BHMT: variants seen among roughly 807,000 people sequenced by gnomAD.
BHMT encodes betaine--homocysteine S-methyltransferase 1.
A neutral mutation model predicts 49.5 loss-of-function variants in BHMT; 38 were observed. That is an observed-to-expected ratio of 0.77 (90% confidence interval 0.59 to 1.01). The LOEUF is 1.01. Among genes scored for constraint, BHMT ranks in the 50% least tolerant of loss-of-function variants. The probability of loss-of-function intolerance (pLI) is 0.00; values close to 1 mark genes in which losing one functional copy is unlikely to be tolerated. For synonymous variants in BHMT, 166 were observed against 176.3 expected (o/e 0.94, Z 0.46); for missense variants, 426 against 495.7 (o/e 0.86, Z 1.34).
At chr5:79,115,624 A>G in intron 1 of BHMT, 143 bp from the exon 2 acceptor site, 1 of 914,624 alleles carries the variant, frequency 1.1e-6, no homozygotes, top group Non-Finnish European at 1.5e-6. Flanking sequence ...ATAGCCATAA[A>G]TGTATATATA....
At chr5:79,126,644 C>T (rs1404917004) in intron 6 of BHMT, among the ~76,000 whole-genome samples, 1 of 152,128 alleles carries the variant, frequency 6.6e-6, no homozygotes, top group Non-Finnish European at 1.5e-5. Flanking sequence ...AAAATAAGAT[C>T]AGACCAGTTA....
intron 5 of BHMT, among the ~76,000 whole-genome samples, chr5:79,124,914 A>T (rs181639864): frequency 6.6e-6 from 1 of 152,298 alleles, no homozygotes; most frequent in East Asian, 1.9e-4. Flanking sequence ...TCTAGCAAAC[A>T]CGTGTCTAAA....
chr5:79,112,807 G>T (rs1419595627), intron 1 of BHMT, among the ~76,000 whole-genome samples: 1 of 152,174 alleles, frequency 6.6e-6, no homozygotes, highest in Non-Finnish European at 1.5e-5. Context: ...TTTGGGGAAC[G>T]GATGGATAGA....
intron 1 of BHMT, 72 bp from the exon 2 acceptor site, chr5:79,115,695 A>G (rs1756377135): frequency 5.5e-6 from 8 of 1,444,084 alleles, no homozygotes; most frequent in African/African-American, 4.3e-5. Flanking sequence ...ATATGTTAGC[A>G]AAAGTAATAA....
At position 79,120,225 on chromosome 5, in the gene BHMT, A is replaced by G. The variant is rs114070281; in HGVS notation, c.286-125A>G. 8.1e-5 allele frequency: 80 copies of G among 987,016 alleles called. No individual in the cohort carries two copies. In the African/African-American group the frequency reaches 1.1e-3, roughly 13 times the overall value. The allele number at this position is 987,016 out of a possible 1,614,324, so 61.1% of individuals were successfully genotyped here. On this transcript the variant is annotated intron_variant, in intron 3 of 7. Coordinates refer to ENST00000274353, the MANE Select transcript of BHMT (RefSeq NM_001713.3). Reference sequence around the variant, plus strand: ...ACTTGGTAAAGCTTTGAACTATTCCATAACAGTCATTTTCTGGAATAAGAT... The same window carrying G: ...ACTTGGTAAAGCTTTGAACTATTCCGTAACAGTCATTTTCTGGAATAAGAT...
intron 5 of BHMT, among the ~76,000 whole-genome samples, chr5:79,124,169 A>G (rs1414499639): frequency 1.3e-5 from 2 of 152,174 alleles, no homozygotes; most frequent in Non-Finnish European, 2.9e-5. Flanking sequence ...CTTAATGGGT[A>G]GAGTTTCTCT....
chr5:79,121,397 G>T, intron 5 of BHMT, 32 bp downstream of exon 5: 3 of 1,613,206 alleles, frequency 1.9e-6, no homozygotes, highest in East Asian at 2.2e-5. Context: ...TTTGTGATTA[G>T]TAAGTCTTAA....
At chr5:79,114,331 A>T (rs925301612) in intron 1 of BHMT, among the ~76,000 whole-genome samples, 3 of 152,084 alleles carry the variant, frequency 2.0e-5, no homozygotes, top group Non-Finnish European at 4.4e-5. Context: ...TCTGAAAGGT[A>T]TATTAGGGAA....
chr5:79,127,118 C>G (rs544483852), intron 6 of BHMT, among the ~76,000 whole-genome samples: 2 of 152,236 alleles, frequency 1.3e-5, no homozygotes, highest in Admixed American at 1.3e-4. Context: ...GTCAAGAATT[C>G]AGGGATAGCA....
chr5:79,126,533 G>C (rs1481943941), intron 6 of BHMT, among the ~76,000 whole-genome samples: 1 of 152,124 alleles, frequency 6.6e-6, no homozygotes, highest in African/African-American at 2.4e-5. Context: ...CCCTTCATGG[G>C]AGAATCAACA....
intron 5 of BHMT, among the ~76,000 whole-genome samples, chr5:79,124,666 A>G (rs1756520767): frequency 6.6e-6 from 1 of 152,236 alleles, no homozygotes; most frequent in African/African-American, 2.4e-5. Flanking sequence ...AAGTTTTTGA[A>G]GAAAATGAAA....
chr5:79,119,509 G>A (rs57651345), intron 3 of BHMT, 132 bp downstream of exon 3: 73 of 636,020 alleles, frequency 1.1e-4, no homozygotes, highest in East Asian at 8.7e-4. Context: ...AATGAGAGGC[G>A]TGAATAACAA....
Position 79,111,882 on chromosome 5 carries a change from G to C in BHMT, c.-4G>C, listed in dbSNP as rs1050824. 1 of 1,612,400 alleles carries C rather than the reference G, an allele frequency of 6.2e-7. No homozygotes were observed. Among genetic ancestry groups the C allele is most frequent in the Non-Finnish European group, 8.5e-7 (1 of 1,179,192 alleles). On this transcript the variant is annotated 5_prime_UTR_variant, in exon 1 of 8. Coordinates refer to ENST00000274353, the MANE Select transcript of BHMT (RefSeq NM_001713.3). ...TGTCGACCACCTGTCTGGACACCACGAAGATGCCACCCGTTGGGGGCAAAA... is the reference window on the plus strand; with the variant it reads ...TGTCGACCACCTGTCTGGACACCACCAAGATGCCACCCGTTGGGGGCAAAA...
At chr5:79,119,480 T>C in intron 3 of BHMT, 103 bp downstream of exon 3, 6 of 836,944 alleles carry the variant, frequency 7.2e-6, no homozygotes, top group Non-Finnish European at 1.1e-5. Context: ...GAGTTTTGTT[T>C]TATTTCTAAT....
chr5:79,126,025 T>A, intron 5 of BHMT, 21 bp from the exon 6 acceptor site: 2 of 1,587,968 alleles, frequency 1.3e-6, no homozygotes, highest in Non-Finnish European at 1.7e-6. Context: ...CCTAAGTCTA[T>A]CATGTTCTTC....
At position 79,131,301 on chromosome 5, in the gene BHMT, C is replaced by A; in HGVS notation, c.*185C>A. The A allele has an allele frequency of 1.7e-6, 1 of 587,948 alleles. No homozygotes were observed. Among genetic ancestry groups the A allele is most frequent in the Non-Finnish European group, 2.7e-6 (1 of 364,884 alleles). 36.4% of individuals were successfully genotyped at this position (587,948 alleles called of 1,614,324 possible). A position where few individuals can be genotyped will look rare whatever the true frequency, so the allele number is the denominator to read the frequency against. ...TTTTAAAGTATGTTTTAGAAATTTT[C>A]TTAGGAGCAAAATAAGTACAAAGTA... On this transcript the variant is annotated 3_prime_UTR_variant, in exon 8 of 8. Transcript: ENST00000274353.
Position 79,120,376 on chromosome 5 carries a change from C to A in BHMT, c.312C>A (p.Cys104Ter), listed in dbSNP as rs200348644. ...GGCAGGAAGTCAATGAAGCTGCTTG[C>A]GACATCGCCCGACAAGTGGCTGATG... ...ISGQEVNEAA[C>*]DIARQVADEG... Residue 104 changes from cysteine to a stop codon, truncating the protein, a stop_gained, in exon 4 of 8, where the codon TGC becomes TGA. Coordinates refer to ENST00000274353, the MANE Select transcript of BHMT (RefSeq NM_001713.3). LOFTEE classifies it high-confidence loss of function. 9.9e-6 allele frequency: 16 copies of A among 1,612,772 alleles called. No individual in the cohort carries two copies. Among genetic ancestry groups the A allele is most frequent in the African/African-American group, 9.4e-5 (7 of 74,862 alleles).
intron 7 of BHMT, among the ~76,000 whole-genome samples, chr5:79,128,690 T>A (rs1351259342): frequency 6.6e-6 from 1 of 152,182 alleles, no homozygotes; most frequent in African/African-American, 2.4e-5. Context: ...TAATACTGAT[T>A]GTTCTATATC....
At position 79,120,556 on chromosome 5, in the gene BHMT, G is replaced by A. The variant is rs1756452059; in HGVS notation, c.477+15G>A. 2 of 1,598,230 alleles carry A rather than the reference G, an allele frequency of 1.3e-6. No individual in the cohort carries two copies. The highest frequency in any genetic ancestry group is 8.5e-7 in the Non-Finnish European group (1 of 1,173,732). On this transcript the variant is annotated intron_variant, in intron 4 of 7. Coordinates refer to ENST00000274353, the MANE Select transcript of BHMT (RefSeq NM_001713.3). ...TGATTGCAGAGGTAAAGAAAGATGT[G>A]GTGAAAGATAAGACAAATACACCTA...
Sources: gnomAD v4.1 joint callset for allele counts (sites outside exome capture counted in the v4.1 genomes callset) on GRCh38, gnomAD v4.1.1 for gene constraint, MANE v1.5 for transcripts, NCBI Gene and HGNC (gene_info 2026-07-23, HGNC 2026-07-21) for gene names.